The following SLC12A9 variants were observed in gnomAD, a reference collection of about 807,000 sequenced individuals.
SLC12A9 encodes CCC-interacting protein 1.
A neutral mutation model predicts 66.0 loss-of-function variants in SLC12A9; 55 were observed. The observed-to-expected ratio is 0.83, with a 90% confidence interval of 0.67 to 1.04. The LOEUF is 1.04. SLC12A9 is among the 50% of genes least tolerant of loss of function. The pLI, the probability that SLC12A9 is intolerant of heterozygous loss-of-function variation, is 0.00. For missense variants in SLC12A9, 1,061 were observed against 1,241.9 expected (o/e 0.85, Z 2.19); for synonymous variants, 577 against 569.0 (o/e 1.01, Z -0.20).
At chr7:100,833,925 T>A (rs1326320435) in intron 1 of SLC12A9, among the ~76,000 whole-genome samples, 7 of 107,742 alleles carry the variant, frequency 6.5e-5, no homozygotes, top group Non-Finnish European at 1.2e-4. Flanking sequence ...AGAGCGAGAC[T>A]CTGTCTCAAA....
chr7:100,861,824 C>T lies in SLC12A9; in HGVS notation c.1624C>T (p.Arg542Trp), dbSNP rs377409238. The change falls in exon 12 of 14, where the codon CGG becomes TGG. Residue 542 changes from arginine to tryptophan, a missense_variant. Transcript: ENST00000354161. The surrounding 1 kb of genome is among the most constrained non-coding windows in gnomAD (Gnocchi z 5.3). ...PQLLLLVGNPRGALPLLRLAN... is the reference protein window; with the variant it reads ...PQLLLLVGNPWGALPLLRLAN... ...GCTGCTGCTCCTGGTGGGGAACCCCCGGGGCGCCCTGCCTCTGCTGCGGTT... is the reference window on the plus strand; with the variant it reads ...GCTGCTGCTCCTGGTGGGGAACCCCTGGGGCGCCCTGCCTCTGCTGCGGTT... 1.5e-5 allele frequency: 24 copies of T among 1,614,030 alleles called. No individual in the cohort carries two copies. Among genetic ancestry groups the T allele is most frequent in the South Asian group, 6.6e-5 (6 of 91,072 alleles).
exon 1 of SLC12A9, chr7:100,826,960 C>CA (rs773426029): frequency 6.5e-7 from 1 of 1,533,900 alleles, no homozygotes; most frequent in Non-Finnish European, 8.8e-7. Flanking sequence ...GGTGCGCCCC[C>CA]CCCCGCAAGG....
chr7:100,856,031 T>A, intron 4 of SLC12A9, 194 bp downstream of exon 4: 7 of 748,080 alleles, frequency 9.4e-6, no homozygotes, highest in African/African-American at 1.8e-5. Flanking sequence ...TGCAGGGAGC[T>A]AACCATCTAA....
At chr7:100,840,755 T>C (rs1466552684) in intron 1 of SLC12A9, among the ~76,000 whole-genome samples, 1 of 151,096 alleles carries the variant, frequency 6.6e-6, no homozygotes, top group Admixed American at 6.6e-5. Flanking sequence ...ATACAAGCAG[T>C]TAAGAAAAAA....
rs996761031 is a variant in SLC12A9, at chr7:100,859,038, C to T, written c.866-12C>T. ...GAGGGCTGACCTCACTCCCTCTGCT[C>T]CCCCTCTCCAGGGGAGCTGAAGGAC... On this transcript the variant is annotated splice_polypyrimidine_tract_variant and intron_variant, in intron 6 of 13. Transcript: ENST00000354161. The T allele has an allele frequency of 6.2e-7, 1 of 1,612,660 alleles. No homozygotes were observed. Among genetic ancestry groups the T allele is most frequent in the Admixed American group, 1.7e-5 (1 of 59,994 alleles).
At chr7:100,856,038 C>G in intron 4 of SLC12A9, 1 of 678,538 alleles carries the variant, frequency 1.5e-6, no homozygotes, top group Non-Finnish European at 2.2e-6. Flanking sequence ...AGCTAACCAT[C>G]TAATCGGAGA....
chr7:100,834,414 G>A (rs1364843473), intron 1 of SLC12A9, among the ~76,000 whole-genome samples: 1 of 152,172 alleles, frequency 6.6e-6, no homozygotes, highest in Admixed American at 6.5e-5. Flanking sequence ...GGTTTGTAGA[G>A]AAAGATCCCA....
Position 100,861,415 on chromosome 7 carries a change from G to A in SLC12A9, c.1367G>A (p.Trp456Ter). 6.2e-7 allele frequency: 1 copy of A among 1,613,764 alleles called. No homozygotes were observed. Among genetic ancestry groups the A allele is most frequent in the Non-Finnish European group, 8.5e-7 (1 of 1,180,010 alleles). Reference protein sequence around the residue: ...NFRPTFSLFSWHTCLLGVASC... With the variant: ...NFRPTFSLFS ...AGCCCCACCTTCAGCCTGTTCTCCT[G>A]GCACACCTGCCTGCTGGGGGTGGCC... is the stretch of plus-strand genomic sequence containing the variant. The change falls in exon 11 of 14, where the codon TGG (tryptophan) becomes TAG (stop). Residue 456 changes from tryptophan to a stop codon, truncating the protein, a stop_gained. Transcript: ENST00000354161. LOFTEE classifies it high-confidence loss of function. This position sits in a 1 kb window ranked among gnomAD's most constrained non-coding sequence, Gnocchi z 5.3.
intron 1 of SLC12A9, among the ~76,000 whole-genome samples, chr7:100,829,698 A>G (rs1481637040): frequency 6.6e-6 from 1 of 151,542 alleles, no homozygotes; most frequent in Non-Finnish European, 1.5e-5. Flanking sequence ...GCCTTTTGCC[A>G]CTCTCACTCT....
chr7:100,865,794 C>G lies in SLC12A9; in HGVS notation c.1934C>G (p.Pro645Arg). 6.2e-7 allele frequency: 1 copy of G among 1,614,044 alleles called. No individual in the cohort carries two copies. The highest frequency in any genetic ancestry group is 8.5e-7 in the Non-Finnish European group (1 of 1,180,030). ...APPQDHFLTD[P>R]AFSEPADSTR... ...CCGCAGGACCATTTCCTGACGGACC[C>G]GGCTTTCTCTGAGCCTGCAGACAGC... The change falls in exon 14 of 14, where the codon CCG (proline) becomes CGG (arginine). Residue 645 changes from proline to arginine, a missense_variant. Transcript: ENST00000354161.
chr7:100,846,041 A>C (rs1053104657), intron 1 of SLC12A9, among the ~76,000 whole-genome samples: 9 of 152,176 alleles, frequency 5.9e-5, no homozygotes, highest in Admixed American at 2.6e-4. Flanking sequence ...AACCTTACTA[A>C]TTGCTGCCTA....
chr7:100,859,762 A>G (rs112489561), intron 7 of SLC12A9, 123 bp from the exon 8 acceptor site: 16 of 1,214,388 alleles, frequency 1.3e-5, no homozygotes, highest in Middle Eastern at 2.1e-4. Flanking sequence ...AGGCTGCCCA[A>G]TGAATACCAG....
At chr7:100,854,562 G>C (rs1175598132) in intron 2 of SLC12A9, 58 bp from the exon 3 acceptor site, 1 of 1,609,728 alleles carries the variant, frequency 6.2e-7, no homozygotes, top group Non-Finnish European at 8.5e-7. Flanking sequence ...GCAGAACCAG[G>C]GGGTGGGGGA....
At chr7:100,828,664 C>T (rs1030055937) in intron 1 of SLC12A9, among the ~76,000 whole-genome samples, 2 of 152,096 alleles carry the variant, frequency 1.3e-5, no homozygotes, top group African/African-American at 2.4e-5. Context: ...GGGGCTTCCC[C>T]GCCGCCCGCA....
Position 100,837,851 on chromosome 7 carries a change from ATTTTTTT to A in SLC12A9, n.228+10825_228+10831del, listed in dbSNP as rs11285489. 8.4e-3 allele frequency among the ~76,000 whole-genome samples: 667 copies of A among 79,636 alleles called. 2 individuals are homozygous for A. Among genetic ancestry groups the A allele is most frequent in the African/African-American group, 0.02 (370 of 18,368 alleles). The allele number at this position is 79,636 out of a possible 152,430, so 52.2% of individuals were successfully genotyped here. On this transcript the variant is annotated intron_variant and non_coding_transcript_variant, in intron 1 of 1. Coordinates refer to the SLC12A9 transcript ENST00000461016. ...ATTTATTTTTAAAACATTTATTTCA[ATTTTTTT>A]TTTTTTTTTTTTTTTTTTTTGAGAC...
rs749274958 is a variant in SLC12A9, at chr7:100,866,282, G to A, written c.2422G>A (p.Gly808Arg). Reference protein sequence around the residue: ...VQEVVWGEGAGAGEPEAEEEG... With the variant: ...VQEVVWGEGARAGEPEAEEEG... ...GGAGGTGGTGTGGGGCGAGGGGGCCGGGGCTGGGGAACCCGAGGCGGAGGA... is the reference window on the plus strand; with the variant it reads ...GGAGGTGGTGTGGGGCGAGGGGGCCAGGGCTGGGGAACCCGAGGCGGAGGA... The change falls in exon 14 of 14, where the codon GGG becomes AGG. Residue 808 changes from glycine to arginine, a missense_variant. By Grantham distance (125) the Gly-to-Arg change is moderately radical (BLOSUM62 -2). Transcript: ENST00000354161. The surrounding 1 kb of genome is among the most constrained non-coding windows in gnomAD (Gnocchi z 7.3). 14 of 1,535,460 alleles carry A rather than the reference G, an allele frequency of 9.1e-6. No homozygotes were observed. The highest frequency in any genetic ancestry group is 4.8e-5 in the South Asian group (4 of 82,592).
chr7:100,865,383 T>G (rs1306600276), intron 13 of SLC12A9: 1 of 1,536,060 alleles, frequency 6.5e-7, no homozygotes, highest in East Asian at 2.4e-5. Context: ...TCCCCTGCCG[T>G]GAAACAGATG....
chr7:100,839,512 C>G (rs1311112854), intron 1 of SLC12A9, among the ~76,000 whole-genome samples: 1 of 152,206 alleles, frequency 6.6e-6, no homozygotes, highest in Non-Finnish European at 1.5e-5. Context: ...ATGGTCGAGG[C>G]AGCTCCTTAG....
chr7:100,855,087 C>T (rs1269798873), intron 3 of SLC12A9, among the ~76,000 whole-genome samples: 5 of 152,166 alleles, frequency 3.3e-5, no homozygotes, highest in Admixed American at 3.3e-4. Flanking sequence ...TCGCTTGAAC[C>T]TGGGAGGTGG....
Sources: allele counts gnomAD v4.1 joint callset (sites outside exome capture counted in the v4.1 genomes callset), GRCh38; gene constraint gnomAD v4.1.1; non-coding constraint Gnocchi (gnomAD v3.1); transcripts MANE v1.5; gene names NCBI Gene and HGNC (gene_info 2026-07-23, HGNC 2026-07-21).